The following MAPKAP1 variants were observed in gnomAD, a reference collection of about 807,000 sequenced individuals.
MAPKAP1 encodes target of rapamycin complex 2 subunit MAPKAP1.
MAPKAP1 carries 20 observed loss-of-function variants against 65.7 expected under a neutral mutation model. The observed-to-expected ratio is 0.30, with a 90% CI of 0.21 to 0.44. The LOEUF (loss-of-function observed/expected upper bound fraction) is 0.44. Among genes scored for constraint, MAPKAP1 ranks in the 20% least tolerant of loss-of-function variants. MAPKAP1 has a pLI of 1.00. For synonymous variants in MAPKAP1, 222 were observed against 244.3 expected, an observed-to-expected ratio of 0.91 and a Z score of 0.85; for missense variants, 423 against 648.0, an observed-to-expected ratio of 0.65 and a Z score of 3.77.
At chr9:125,684,961 C>T (rs545524547) in intron 1 of MAPKAP1, among the ~76,000 whole-genome samples, 19 of 152,234 alleles carry the variant, frequency 1.2e-4, no homozygotes, top group Non-Finnish European at 2.5e-4. Context: ...ACCTGAGCCA[C>T]CGCACCCGGC....
At chr9:125,485,636 C>A (rs1854478176) in intron 8 of MAPKAP1, among the ~76,000 whole-genome samples, 1 of 152,216 alleles carries the variant, frequency 6.6e-6, no homozygotes, top group South Asian at 2.1e-4. Flanking sequence ...TGGCCTAGAA[C>A]AACCCTCTCA....
intron 3 of MAPKAP1, among the ~76,000 whole-genome samples, chr9:125,664,291 G>A (rs369697748): frequency 1.2e-4 from 18 of 151,698 alleles, no homozygotes; most frequent in African/African-American, 4.1e-4. Context: ...AGGTTGCAGT[G>A]AGCCGAGATC....
intron 1 of MAPKAP1, among the ~76,000 whole-genome samples, chr9:125,677,405 AAAT>A (rs1233624376): frequency 1.3e-5 from 2 of 151,982 alleles, no homozygotes; most frequent in Non-Finnish European, 2.9e-5. Flanking sequence ...CATCTGAAAA[AAAT>A]AATAAGGCCC....
At position 125,686,354 on chromosome 9, in the gene MAPKAP1, A is replaced by T. The variant is rs116019492; in HGVS notation, c.-69-13711T>A. Among the ~76,000 whole-genome samples the T allele has an allele frequency of 6.4e-3, 977 of 151,758 alleles. 16 individuals are homozygous for T. Among genetic ancestry groups the T allele is most frequent in the African/African-American group, 0.021 (877 of 41,418 alleles). On this transcript the variant is annotated intron_variant, in intron 1 of 11. Coordinates refer to ENST00000265960, the MANE Select transcript of MAPKAP1 (RefSeq NM_001006617.3). ...AAGAAAAAGAAAAAGAAAAAAGAATAAAAAAAAGAAAGAAAGAAAAGCAAC... is the reference window on the plus strand; with the variant it reads ...AAGAAAAAGAAAAAGAAAAAAGAATTAAAAAAAGAAAGAAAGAAAAGCAAC...
chr9:125,564,590 A>G (rs1830991537), intron 5 of MAPKAP1, among the ~76,000 whole-genome samples: 1 of 152,182 alleles, frequency 6.6e-6, no homozygotes, highest in Non-Finnish European at 1.5e-5. Flanking sequence ...AGCCTCACTC[A>G]CGTCCCCTTG....
rs539432795 is a variant in MAPKAP1, at chr9:125,661,566, A to T, written c.350-3767T>A. Among the ~76,000 whole-genome samples, 4 of 152,354 alleles carry T rather than the reference A, an allele frequency of 2.6e-5. No individual in the cohort carries two copies. In the South Asian group the frequency reaches 8.3e-4, roughly 32 times the overall value. On this transcript the variant is annotated intron_variant, in intron 3 of 11. Transcript: ENST00000265960. ...AAATAAAAAAAGTATTGTACAAAACAGTATGTATAGTATGCTATCTTTAAT... is the reference window on the plus strand; with the variant it reads ...AAATAAAAAAAGTATTGTACAAAACTGTATGTATAGTATGCTATCTTTAAT...
chr9:125,482,148 A>AGAAG (rs1554808940), intron 9 of MAPKAP1, among the ~76,000 whole-genome samples: 44 of 116,994 alleles, frequency 3.8e-4, no homozygotes, highest in African/African-American at 1.3e-3. Context: ...AAAAAAAAAA[A>AGAAG]AAGAAGAAGA....
In MAPKAP1 at chr9:125,645,164, G is replaced by A. The variant is rs114234221; in HGVS notation, c.498+12487C>T. ...CTGAAAGGGACACTAGAGCCAAGGGGGACCTGAAGAGCAGGCCTCTGCCCA... is the reference window on the plus strand; with the variant it reads ...CTGAAAGGGACACTAGAGCCAAGGGAGACCTGAAGAGCAGGCCTCTGCCCA... On this transcript the variant is annotated intron_variant, in intron 4 of 11. Transcript: ENST00000265960. 5.3e-3 allele frequency among the ~76,000 whole-genome samples: 806 copies of A among 152,290 alleles called. 5 individuals carry two copies. Among genetic ancestry groups the A allele is most frequent in the African/African-American group, 0.018 (754 of 41,550 alleles).
At chr9:125,467,593 A>G (rs1853725777) in intron 10 of MAPKAP1, among the ~76,000 whole-genome samples, 1 of 152,228 alleles carries the variant, frequency 6.6e-6, no homozygotes, top group African/African-American at 2.4e-5. Flanking sequence ...CAGGGAAGGA[A>G]GGCAGGTCCA....
intron 6 of MAPKAP1, 125 bp from the exon 7 acceptor site, chr9:125,543,293 G>A (rs1830311222): frequency 1.5e-6 from 1 of 653,976 alleles, no homozygotes; most frequent in African/African-American, 1.8e-5. Context: ...TTGAAATGGA[G>A]TCTCGCTCTG....
intron 4 of MAPKAP1, among the ~76,000 whole-genome samples, chr9:125,636,917 A>G (rs1342685647): frequency 1.3e-5 from 2 of 152,218 alleles, no homozygotes; most frequent in Non-Finnish European, 2.9e-5. Context: ...AGCTAAGAAG[A>G]CATACATACA....
At position 125,543,287 on chromosome 9, in the gene MAPKAP1, A is replaced by G. The variant is rs145769404; in HGVS notation, c.849-119T>C. On this transcript the variant is annotated intron_variant, in intron 6 of 11. Coordinates refer to ENST00000265960, the MANE Select transcript of MAPKAP1 (RefSeq NM_001006617.3). Reference sequence around the variant, plus strand: ...GTTGTTTGTTTTGTTTTGTTTTTGAAATGGAGTCTCGCTCTGTCACCCAGG... The same window carrying G: ...GTTGTTTGTTTTGTTTTGTTTTTGAGATGGAGTCTCGCTCTGTCACCCAGG... 6.1e-4 allele frequency: 440 copies of G among 721,898 alleles called. 3 individuals carry two copies. The African/African-American group carries it at 7.1e-3, about 12-fold the overall frequency. 44.7% of individuals were successfully genotyped at this position (721,898 alleles called of 1,614,324 possible).
At chr9:125,451,362 C>A (rs924160346) in intron 10 of MAPKAP1, among the ~76,000 whole-genome samples, 1 of 152,216 alleles carries the variant, frequency 6.6e-6, no homozygotes, top group Non-Finnish European at 1.5e-5. Flanking sequence ...TGGACCTCCA[C>A]CTGTCCCTTA....
intron 7 of MAPKAP1, among the ~76,000 whole-genome samples, chr9:125,516,564 C>T (rs1829467026): frequency 6.6e-6 from 1 of 152,146 alleles, no homozygotes; most frequent in African/African-American, 2.4e-5. Flanking sequence ...ATTATCAGCT[C>T]ACAATCTTCA....
intron 7 of MAPKAP1, among the ~76,000 whole-genome samples, chr9:125,530,298 G>T (rs1426761828): frequency 6.6e-6 from 1 of 152,196 alleles, no homozygotes; most frequent in African/African-American, 2.4e-5. Context: ...CTTCATGGAG[G>T]CTGGAGAGAT....
At position 125,542,826 on chromosome 9, in the gene MAPKAP1, G is replaced by A. The variant is rs112810651; in HGVS notation, c.958+233C>T. The stretch of plus-strand genomic sequence containing the variant: ...AGTCTACCACAAATTATTAATGAAG[G>A]AACTTCCACAATTGATATGAATACA... On this transcript the variant is annotated intron_variant, in intron 7 of 11. Coordinates refer to ENST00000265960, the MANE Select transcript of MAPKAP1 (RefSeq NM_001006617.3). 2,528 of 651,600 alleles carry A rather than the reference G, an allele frequency of 3.9e-3. 57 individuals are homozygous for A. The highest frequency in any genetic ancestry group is 0.038 in the African/African-American group (2,132 of 56,552). The allele number at this position is 651,600 out of a possible 1,614,324, so 40.4% of individuals were successfully genotyped here. A position where few individuals can be genotyped will look rare whatever the true frequency, so the allele number is the denominator to read the frequency against.
At chr9:125,670,134 TAAAG>T (rs1191330445) in intron 2 of MAPKAP1, among the ~76,000 whole-genome samples, 3 of 152,152 alleles carry the variant, frequency 2.0e-5, no homozygotes, top group East Asian at 1.9e-4. Flanking sequence ...ATAGAGATCA[TAAAG>T]ATAGTATTAA....
Position 125,586,067 on chromosome 9 carries a change from T to C in MAPKAP1, c.499-340A>G, listed in dbSNP as rs552697358. ...TGTGTCCCTGGACCTTAGCACTGGG[T>C]GCCTCTCTGGCAACTGTCTCATTGT... On this transcript the variant is annotated intron_variant, in intron 4 of 11. Transcript: ENST00000265960. 6.6e-5 allele frequency among the ~76,000 whole-genome samples: 10 copies of C among 152,248 alleles called. No homozygotes were observed. The South Asian group carries it at 2.1e-3, about 32-fold the overall frequency.
At chr9:125,654,550 A>T (rs1233987107) in intron 4 of MAPKAP1, among the ~76,000 whole-genome samples, 1 of 152,236 alleles carries the variant, frequency 6.6e-6, no homozygotes, top group African/African-American at 2.4e-5. Context: ...TCAAAATTAC[A>T]CCAAGGCACA....
Sources: allele counts gnomAD v4.1 joint callset (sites outside exome capture counted in the v4.1 genomes callset), GRCh38; gene constraint gnomAD v4.1.1; transcripts MANE v1.5; gene names NCBI Gene and HGNC (gene_info 2026-07-23, HGNC 2026-07-21).